The following FBXL17 variants were observed in gnomAD, a reference collection of about 807,000 sequenced individuals.
The protein encoded by FBXL17 is F-box/LRR-repeat protein 17.
A neutral mutation model predicts 66.2 loss-of-function variants in FBXL17; 22 were observed. The ratio of observed to expected loss-of-function variants is 0.33; its 90% CI spans 0.24 to 0.47. The LOEUF is 0.47. FBXL17 is among the 20% of genes least tolerant of loss of function. FBXL17 has a pLI of 1.00. For synonymous variants in FBXL17, 474 were observed against 400.5 expected, an observed-to-expected ratio of 1.18 and a Z score of -2.19; for missense variants, 878 against 948.2, an observed-to-expected ratio of 0.93 and a Z score of 0.97.
chr5:108,306,094 G>T (rs76718299), intron 4 of FBXL17, among the ~76,000 whole-genome samples: 6,498 of 152,120 alleles, frequency 0.043, 763 homozygotes, highest in East Asian at 0.39. Context: ...ATAAATGGAA[G>T]AATACATGAA....
At chr5:107,974,547 A>G (rs1340838131) in intron 7 of FBXL17, among the ~76,000 whole-genome samples, 1 of 152,182 alleles carries the variant, frequency 6.6e-6, no homozygotes, top group East Asian at 1.9e-4. Context: ...GCAGTCTCCA[A>G]AGGATCTAAA....
intron 5 of FBXL17, among the ~76,000 whole-genome samples, chr5:108,212,793 AGG>A (rs139006213): frequency 0.12 from 18,373 of 152,210 alleles, 1,344 homozygotes; most frequent in Admixed American, 0.16. Context: ...CACAGGAGTC[AGG>A]GACCCACTTG....
chr5:107,948,897 C>T (rs1423351274), intron 7 of FBXL17, among the ~76,000 whole-genome samples: 2 of 152,150 alleles, frequency 1.3e-5, no homozygotes, highest in African/African-American at 4.8e-5. Flanking sequence ...ATAGTCAATA[C>T]AGACAGAGCA....
intron 7 of FBXL17, among the ~76,000 whole-genome samples, chr5:107,946,013 C>T (rs181261066): frequency 6.6e-6 from 1 of 151,720 alleles, no homozygotes; most frequent in African/African-American, 2.4e-5. Flanking sequence ...GATTTTAAAG[C>T]ACACAGTATT....
At chr5:107,934,011 T>G (rs1750815414) in intron 7 of FBXL17, among the ~76,000 whole-genome samples, 1 of 152,288 alleles carries the variant, frequency 6.6e-6, no homozygotes, top group South Asian at 2.1e-4. Flanking sequence ...CCATATAACA[T>G]GGACTCAGGA....
At chr5:108,362,499 T>C (rs1036716402) in intron 3 of FBXL17, among the ~76,000 whole-genome samples, 1 of 152,142 alleles carries the variant, frequency 6.6e-6, no homozygotes, top group Non-Finnish European at 1.5e-5. Flanking sequence ...AGATACATGA[T>C]TGTAGTTTTA....
chr5:108,098,670 G>A (rs1490938789), intron 6 of FBXL17, among the ~76,000 whole-genome samples: 2 of 151,272 alleles, frequency 1.3e-5, no homozygotes, highest in South Asian at 2.1e-4. Context: ...GCGTGAACCC[G>A]GGAGGCGGCG....
chr5:108,241,665 C>T (rs1440892166), intron 4 of FBXL17, among the ~76,000 whole-genome samples: 1 of 151,972 alleles, frequency 6.6e-6, no homozygotes, highest in African/African-American at 2.4e-5. Context: ...GCAGATTTAA[C>T]CCAAAGAAGA....
intron 4 of FBXL17, among the ~76,000 whole-genome samples, chr5:108,321,070 A>G (rs1294269964): frequency 1.3e-5 from 2 of 151,798 alleles, no homozygotes; most frequent in East Asian, 3.9e-4. Flanking sequence ...CTAACCATAG[A>G]TGCTTATAAG....
intron 6 of FBXL17, among the ~76,000 whole-genome samples, chr5:108,092,021 T>C (rs555615679): frequency 6.6e-6 from 1 of 152,362 alleles, no homozygotes; most frequent in South Asian, 2.1e-4. Context: ...TTCCTCTGTT[T>C]ATTTTCTGGC....
At chr5:107,893,081 G>A (rs906907334) in intron 7 of FBXL17, among the ~76,000 whole-genome samples, 33 of 152,102 alleles carry the variant, frequency 2.2e-4, no homozygotes, top group African/African-American at 6.3e-4. Context: ...GGGACTTGTG[G>A]GTATCATTGT....
chr5:108,124,309 G>A (rs1750614589), intron 6 of FBXL17, among the ~76,000 whole-genome samples: 1 of 152,028 alleles, frequency 6.6e-6, no homozygotes, highest in Non-Finnish European at 1.5e-5. Flanking sequence ...GAACCAGAGT[G>A]ATGCAGGAAA....
intron 5 of FBXL17, among the ~76,000 whole-genome samples, chr5:108,192,855 A>G (rs1418342367): frequency 2.0e-5 from 3 of 152,102 alleles, no homozygotes; most frequent in African/African-American, 7.2e-5. Context: ...TTTTCTTAAG[A>G]CCCTACAAAA....
chr5:108,059,885 T>A (rs1255238399), intron 6 of FBXL17, among the ~76,000 whole-genome samples: 1 of 151,904 alleles, frequency 6.6e-6, no homozygotes, highest in Non-Finnish European at 1.5e-5. Context: ...CATACCTACA[T>A]AGAGAGTGAT....
At chr5:108,287,123 G>A (rs1027153368) in intron 4 of FBXL17, among the ~76,000 whole-genome samples, 25 of 151,810 alleles carry the variant, frequency 1.6e-4, no homozygotes, top group Non-Finnish European at 2.2e-4. Context: ...AAATCAATTC[G>A]AGATAAATTA....
intron 4 of FBXL17, chr5:108,298,310 T>C: frequency 1.0e-6 from 1 of 984,612 alleles, no homozygotes. Flanking sequence ...AACATCTAAA[T>C]AAAACAGAAA....
At chr5:107,934,089 T>C (rs1291189625) in intron 7 of FBXL17, among the ~76,000 whole-genome samples, 1 of 152,136 alleles carries the variant, frequency 6.6e-6, no homozygotes, top group Non-Finnish European at 1.5e-5. Context: ...AACTCTATTT[T>C]TTTATAGTAT....
intron 3 of FBXL17, among the ~76,000 whole-genome samples, chr5:108,349,064 C>A (rs775796441): frequency 2.6e-5 from 4 of 152,140 alleles, no homozygotes; most frequent in Non-Finnish European, 4.4e-5. Context: ...CCTCAGCCTC[C>A]CAAAGTCCTG....
At chr5:108,371,625 T>C (rs1454584332) in intron 1 of FBXL17, among the ~76,000 whole-genome samples, 2 of 151,978 alleles carry the variant, frequency 1.3e-5, no homozygotes, top group Non-Finnish European at 2.9e-5. Context: ...ATTTAAGACA[T>C]GCTCACAGAG....
Sources: gnomAD v4.1 joint callset for allele counts (sites outside exome capture counted in the v4.1 genomes callset) on GRCh38, gnomAD v4.1.1 for gene constraint, MANE v1.5 for transcripts, NCBI Gene and HGNC (gene_info 2026-07-23, HGNC 2026-07-21) for gene names.